Variants in PLSCR5 observed in about 807,000 individuals in gnomAD.
PLSCR5 encodes phospholipid scramblase family member 5, also known as phospholipid scramblase family, member 5.
A neutral mutation model predicts 33.6 loss-of-function variants in PLSCR5; 44 were observed. The observed-to-expected ratio is 1.31, with a 90% confidence interval of 1.03 to 1.69. PLSCR5 has a LOEUF of 1.69. Ranked by LOEUF, PLSCR5 falls within the 40% of genes most tolerant of loss-of-function variation. The probability of loss-of-function intolerance (pLI) is 0.00; values close to 1 mark genes in which losing one functional copy is unlikely to be tolerated. For missense variants in PLSCR5, 375 were observed against 318.7 expected (o/e 1.18, Z -1.34); for synonymous variants, 148 against 112.3 (o/e 1.32, Z -2.01).
In PLSCR5 at chr3:146,589,161, A is replaced by G. The variant is rs1051567168; in HGVS notation, c.777+492T>C. On this transcript the variant is annotated intron_variant, in intron 6 of 7. Transcript: ENST00000443512. ...TGGAAAGTAATAACAAGAACATAGT[A>G]TCTTAGAAATAATGGCAACTGGTAC... 1.4e-4 allele frequency among the ~76,000 whole-genome samples: 21 copies of G among 152,310 alleles called. 1 individual carries two copies. The highest frequency in any genetic ancestry group is 5.1e-4 in the African/African-American group (21 of 41,578).
intron 6 of PLSCR5, among the ~76,000 whole-genome samples, chr3:146,587,563 G>T (rs531447252): frequency 6.6e-6 from 1 of 152,020 alleles, no homozygotes; most frequent in African/African-American, 2.4e-5. Context: ...TGGTGTTGAA[G>T]TCAGAATGAT....
intron 1 of PLSCR5, among the ~76,000 whole-genome samples, chr3:146,604,706 C>T (rs1220988574): frequency 6.6e-6 from 1 of 151,976 alleles, no homozygotes; most frequent in East Asian, 1.9e-4. Context: ...CCTTTATGTC[C>T]TTAATTCACA....
intron 3 of PLSCR5, 75 bp downstream of exon 3, chr3:146,594,966 G>T: frequency 8.2e-6 from 7 of 852,930 alleles, no homozygotes; most frequent in Non-Finnish European, 1.2e-5. Context: ...AACATATTTA[G>T]ATGCAAAGAA....
downstream of PLSCR5, among the ~76,000 whole-genome samples, chr3:146,580,962 A>G (rs1429255289): frequency 6.6e-6 from 1 of 152,194 alleles, no homozygotes; most frequent in Non-Finnish European, 1.5e-5. Flanking sequence ...TGCATTAACA[A>G]TCAAACGAGT....
chr3:146,595,729 T>G (rs2044755293), intron 2 of PLSCR5, among the ~76,000 whole-genome samples: 1 of 152,220 alleles, frequency 6.6e-6, no homozygotes, highest in Non-Finnish European at 1.5e-5. Flanking sequence ...TTAAACAATC[T>G]CTGAATTATA....
At chr3:146,592,109 A>T (rs919925378) in intron 4 of PLSCR5, among the ~76,000 whole-genome samples, 1 of 152,022 alleles carries the variant, frequency 6.6e-6, no homozygotes, top group African/African-American at 2.4e-5. Flanking sequence ...CTAAAAGTCT[A>T]TGTCTTATTT....
At chr3:146,603,596 G>A (rs990679045) in intron 1 of PLSCR5, among the ~76,000 whole-genome samples, 1 of 152,088 alleles carries the variant, frequency 6.6e-6, no homozygotes, top group Admixed American at 6.6e-5. Context: ...CCAGTCACAA[G>A]TTTCTTCAAA....
At chr3:146,592,537 T>G (rs989705192) in intron 4 of PLSCR5, among the ~76,000 whole-genome samples, 1 of 152,082 alleles carries the variant, frequency 6.6e-6, no homozygotes, top group Non-Finnish European at 1.5e-5. Flanking sequence ...TAAAATAAAT[T>G]GGGGGTGGGT....
At chr3:146,577,129 C>T (rs1026805780) in intron 7 of PLSCR5, among the ~76,000 whole-genome samples, 1 of 152,060 alleles carries the variant, frequency 6.6e-6, no homozygotes, top group South Asian at 2.1e-4. Context: ...TAAAAGTCAA[C>T]ATACGATAAG....
chr3:146,597,217 A>T (rs2044768897), intron 2 of PLSCR5, among the ~76,000 whole-genome samples: 1 of 152,272 alleles, frequency 6.6e-6, no homozygotes, highest in East Asian at 1.9e-4. Context: ...TCCAACAATA[A>T]CAGTTTTTTT....
downstream of PLSCR5, among the ~76,000 whole-genome samples, chr3:146,584,663 G>T (rs1472877129): frequency 6.6e-6 from 1 of 151,878 alleles, no homozygotes; most frequent in East Asian, 1.9e-4. Context: ...TAAGGAAAAA[G>T]AAACTGAAGA....
chr3:146,582,407 TAGG>T (rs1370856451), downstream of PLSCR5, among the ~76,000 whole-genome samples: 2 of 152,112 alleles, frequency 1.3e-5, no homozygotes, highest in African/African-American at 4.8e-5. Context: ...GCATGCACAC[TAGG>T]AGGACAGAGT....
At chr3:146,605,171 A>G (rs764380130) in intron 1 of PLSCR5, 29 bp downstream of exon 1, 1 of 1,594,432 alleles carries the variant, frequency 6.3e-7, no homozygotes, top group South Asian at 1.1e-5. Context: ...TATAAGAAAA[A>G]GTTATTAGTT....
chr3:146,580,454 CTTTTTTTTTTTTTTT>C (rs1170556618), intron 7 of PLSCR5, among the ~76,000 whole-genome samples: 4 of 60,570 alleles, frequency 6.6e-5, no homozygotes, highest in Admixed American at 2.0e-4. Flanking sequence ...TTTGAATTTG[CTTTTTTTTTTTTTTT>C]TTTTTTTTTT....
In PLSCR5 at chr3:146,593,784, T is replaced by C. The variant is rs2044734258; in HGVS notation, c.453+136A>G. 13 of 803,604 alleles carry C rather than the reference T, an allele frequency of 1.6e-5. No individual in the cohort carries two copies. In the South Asian group the frequency reaches 2.2e-4, roughly 14 times the overall value. The allele number at this position is 803,604 out of a possible 1,614,324, so 49.8% of individuals were successfully genotyped here. A position where few individuals can be genotyped will look rare whatever the true frequency, so the allele number is the denominator to read the frequency against. The stretch of plus-strand genomic sequence containing the variant: ...TTACCAAATCCTCAAGCTGATCTGA[T>C]CCTAAAGGAGCAACATACTATTAAT... On this transcript the variant is annotated intron_variant, in intron 4 of 7. Transcript: ENST00000443512.
In PLSCR5 at chr3:146,585,931, C is replaced by A; in HGVS notation, c.*56G>T. 3 of 845,988 alleles carry A rather than the reference C, an allele frequency of 3.5e-6. No individual in the cohort carries two copies. Among genetic ancestry groups the A allele is most frequent in the South Asian group, 2.1e-5 (1 of 47,300 alleles). 52.4% of individuals were successfully genotyped at this position (845,988 alleles called of 1,614,324 possible). ...AACCATTCAGAAATGAAATCCAGAG[C>A]CCAAGGGATTTCTAGAAGAAAATGA... On this transcript the variant is annotated 3_prime_UTR_variant, in exon 8 of 8. Coordinates refer to ENST00000443512, the MANE Select transcript of PLSCR5 (RefSeq NM_001085420.2).
At chr3:146,577,077 T>C (rs1386564244) in intron 7 of PLSCR5, among the ~76,000 whole-genome samples, 1 of 152,130 alleles carries the variant, frequency 6.6e-6, no homozygotes. Context: ...GGTATGGATA[T>C]TTTTAAAAAA....
downstream of PLSCR5, among the ~76,000 whole-genome samples, chr3:146,581,009 C>G (rs959855911): frequency 6.6e-6 from 1 of 152,132 alleles, no homozygotes; most frequent in Admixed American, 6.5e-5. Context: ...CTTAATCAAT[C>G]AATGATTGAT....
chr3:146,584,193 G>A (rs1038259323), downstream of PLSCR5, among the ~76,000 whole-genome samples: 1 of 152,114 alleles, frequency 6.6e-6, no homozygotes, highest in Admixed American at 6.5e-5. Flanking sequence ...CTTTAAAAGT[G>A]TAATTTACTT....
Sources: allele counts gnomAD v4.1 joint callset (sites outside exome capture counted in the v4.1 genomes callset), GRCh38; gene constraint gnomAD v4.1.1; transcripts MANE v1.5; gene names NCBI Gene and HGNC (gene_info 2026-07-23, HGNC 2026-07-21).